The following TLL2 variants were observed in gnomAD, a reference collection of about 807,000 sequenced individuals.
TLL2 encodes tolloid-like protein 2.
TLL2 carries 106 observed loss-of-function variants against 123.0 expected under a neutral mutation model. That is an observed-to-expected ratio of 0.86 (90% CI 0.74 to 1.01). The LOEUF (loss-of-function observed/expected upper bound fraction) is 1.01. TLL2 is among the 50% of genes least tolerant of loss of function. TLL2 has a pLI of 0.00. For missense variants in TLL2, 1,332 were observed against 1,336.7 expected (o/e 1.00, Z 0.06); for synonymous variants, 494 against 516.8 (o/e 0.96, Z 0.60).
chr10:96,409,687 T>C (rs1343325920), intron 9 of TLL2, among the ~76,000 whole-genome samples: 2 of 152,162 alleles, frequency 1.3e-5, no homozygotes, highest in African/African-American at 2.4e-5. Flanking sequence ...GGCTCAGCTC[T>C]AGGGGGTCAC....
At chr10:96,444,758 G>A (rs755736633) in intron 3 of TLL2, among the ~76,000 whole-genome samples, 1 of 152,182 alleles carries the variant, frequency 6.6e-6, no homozygotes, top group Non-Finnish European at 1.5e-5. Flanking sequence ...TCACATTTAT[G>A]CATTTGTGTA....
intron 1 of TLL2, among the ~76,000 whole-genome samples, chr10:96,505,034 T>A (rs200845680): frequency 8.5e-6 from 1 of 117,442 alleles, no homozygotes; most frequent in East Asian, 2.4e-4. Context: ...AATAAATAAA[T>A]AAATAAATAA....
At chr10:96,413,648 C>T (rs2134071627) in intron 7 of TLL2, among the ~76,000 whole-genome samples, 1 of 152,198 alleles carries the variant, frequency 6.6e-6, no homozygotes, top group South Asian at 2.1e-4. Flanking sequence ...GGAGAGACCA[C>T]GGTGTGAATG....
At chr10:96,495,335 T>A (rs1355118050) in intron 1 of TLL2, among the ~76,000 whole-genome samples, 1 of 151,992 alleles carries the variant, frequency 6.6e-6, no homozygotes, top group Non-Finnish European at 1.5e-5. Context: ...ATTTAACAGG[T>A]TTAAAGCAGT....
chr10:96,452,067 G>A (rs1018233200), intron 2 of TLL2, among the ~76,000 whole-genome samples: 1 of 152,256 alleles, frequency 6.6e-6, no homozygotes, highest in Non-Finnish European at 1.5e-5. Context: ...TGGAGCACCT[G>A]CTTTGGGCAG....
chr10:96,451,913 A>G (rs1315757197), intron 2 of TLL2, among the ~76,000 whole-genome samples: 1 of 152,232 alleles, frequency 6.6e-6, no homozygotes. Flanking sequence ...ATTTTTTAAT[A>G]CTGTATTTAC....
intron 12 of TLL2, 97 bp from the exon 13 acceptor site, chr10:96,395,479 C>G (rs1846331736): frequency 1.5e-6 from 2 of 1,303,630 alleles, no homozygotes; most frequent in Non-Finnish European, 2.1e-6. Flanking sequence ...CAAAATCTAA[C>G]CAAGAGGCCA....
At chr10:96,437,940 T>C (rs1846812826) in intron 3 of TLL2, among the ~76,000 whole-genome samples, 1 of 152,200 alleles carries the variant, frequency 6.6e-6, no homozygotes, top group African/African-American at 2.4e-5. Flanking sequence ...CATATAGTAA[T>C]TGGGTCTATT....
At chr10:96,410,180 G>A (rs750679538) in intron 9 of TLL2, among the ~76,000 whole-genome samples, 179 bp downstream of exon 9, 1 of 152,094 alleles carries the variant, frequency 6.6e-6, no homozygotes, top group Non-Finnish European at 1.5e-5. Flanking sequence ...CATTTGTGTG[G>A]GTGAGACTGG....
intron 2 of TLL2, among the ~76,000 whole-genome samples, chr10:96,468,632 G>A (rs1302960371): frequency 6.6e-6 from 1 of 152,176 alleles, no homozygotes; most frequent in East Asian, 1.9e-4. Context: ...ACTCTTGTTT[G>A]TCCCAATTTC....
intron 1 of TLL2, among the ~76,000 whole-genome samples, chr10:96,486,891 C>T (rs931214372): frequency 9.2e-5 from 14 of 152,216 alleles, no homozygotes; most frequent in Admixed American, 5.2e-4. Flanking sequence ...TGGGCCTGCT[C>T]AGCTGGCTTC....
rs749032495 is a variant in TLL2 at position 96,510,873 on chromosome 10, C to T, written c.175+2638G>A. On this transcript the variant is annotated intron_variant, in intron 1 of 20. Transcript: ENST00000357947. ...GGTATGAAGTAGGCCCAGGGCAAGA[C>T]GGTTGATGAGGACCAAGAGCACAAG... is the stretch of plus-strand genomic sequence containing the variant. 4.6e-5 allele frequency among the ~76,000 whole-genome samples: 7 copies of T among 152,308 alleles called. No individual in the cohort carries two copies. In the South Asian group the frequency reaches 8.3e-4, roughly 18 times the overall value.
chr10:96,383,373 G>A (rs549780452), intron 16 of TLL2, among the ~76,000 whole-genome samples: 11 of 152,284 alleles, frequency 7.2e-5, no homozygotes, highest in East Asian at 3.9e-4. Context: ...TAATTCCCAC[G>A]TGTTGTGGGA....
chr10:96,451,847 A>G (rs1156519202), intron 2 of TLL2, among the ~76,000 whole-genome samples: 1 of 152,238 alleles, frequency 6.6e-6, no homozygotes, highest in Non-Finnish European at 1.5e-5. Flanking sequence ...CCCTTCATAG[A>G]CATTACATAC....
chr10:96,403,584 T>G (rs902852106), intron 10 of TLL2, among the ~76,000 whole-genome samples: 30 of 152,140 alleles, frequency 2.0e-4, no homozygotes, highest in Admixed American at 1.3e-4. Flanking sequence ...AAGGGCACAG[T>G]GCACCTCTGC....
At chr10:96,445,025 T>TA (rs1196594879) in intron 3 of TLL2, among the ~76,000 whole-genome samples, 5 of 151,942 alleles carry the variant, frequency 3.3e-5, no homozygotes, top group African/African-American at 1.2e-4. Context: ...CCGTCTCTAC[T>TA]AAAAATACAA....
intron 17 of TLL2, 124 bp from the exon 18 acceptor site, chr10:96,376,943 G>C: frequency 1.1e-6 from 1 of 928,638 alleles, no homozygotes; most frequent in Middle Eastern, 3.6e-4. Context: ...CAAATATGGG[G>C]GTGGGGTATC....
intron 3 of TLL2, among the ~76,000 whole-genome samples, chr10:96,434,124 T>C (rs1564906581): frequency 6.6e-6 from 1 of 152,180 alleles, no homozygotes; most frequent in Non-Finnish European, 1.5e-5. Flanking sequence ...CTTTATTACT[T>C]CCTTCTATTT....
At chr10:96,488,796 C>T (rs925061287) in intron 1 of TLL2, among the ~76,000 whole-genome samples, 2 of 152,188 alleles carry the variant, frequency 1.3e-5, no homozygotes, top group African/African-American at 4.8e-5. Context: ...TCCAGGACCA[C>T]TCATAACAAT....
Sources: allele counts gnomAD v4.1 joint callset (sites outside exome capture counted in the v4.1 genomes callset), GRCh38; gene constraint gnomAD v4.1.1; transcripts MANE v1.5; gene names NCBI Gene and HGNC (gene_info 2026-07-23, HGNC 2026-07-21).